Variants in LMNTD1 observed in about 807,000 individuals in gnomAD.
LMNTD1 encodes lamin tail domain containing 1, also known as lamin tail domain-containing protein 1.
Under a neutral mutation model 50.9 loss-of-function variants are expected in LMNTD1, and 35 were observed. The observed-to-expected ratio is 0.69, with a 90% CI of 0.53 to 0.91. The LOEUF (loss-of-function observed/expected upper bound fraction) is 0.91, where lower values mean the gene tolerates loss of function less well. Ranked by LOEUF, LMNTD1 falls within the 40% of genes least tolerant of loss-of-function variation. The pLI is 0.00. For missense variants in LMNTD1, 470 were observed against 475.5 expected (o/e 0.99, Z 0.11); for synonymous variants, 153 against 161.9 (o/e 0.94, Z 0.42).
intron 6 of LMNTD1, among the ~76,000 whole-genome samples, chr12:25,525,811 G>A (rs528409213): frequency 2.6e-4 from 39 of 151,946 alleles, no homozygotes; most frequent in Non-Finnish European, 4.7e-4. Flanking sequence ...TGGTATATAC[G>A]TACCATGGAA....
At chr12:25,507,886 T>A (rs1188512932) in intron 8 of LMNTD1, among the ~76,000 whole-genome samples, 1 of 152,232 alleles carries the variant, frequency 6.6e-6, no homozygotes, top group Admixed American at 6.5e-5. Flanking sequence ...TGACAAACTA[T>A]ATTAAAATTA....
intron 8 of LMNTD1, among the ~76,000 whole-genome samples, chr12:25,514,130 A>G (rs1940549019): frequency 6.6e-6 from 1 of 152,214 alleles, no homozygotes; most frequent in African/African-American, 2.4e-5. Flanking sequence ...AGAAGAGAGC[A>G]AAAGAATGAT....
rs562983576 is a variant in LMNTD1 at position 25,600,111 on chromosome 12, T to C, written c.58+48383A>G. 1.0e-3 allele frequency among the ~76,000 whole-genome samples: 155 copies of C among 152,050 alleles called. 1 individual carries two copies. Among genetic ancestry groups the C allele is most frequent in the African/African-American group, 3.6e-3 (151 of 41,484 alleles). On this transcript the variant is annotated intron_variant, in intron 1 of 7. Coordinates refer to the LMNTD1 transcript ENST00000445693. ...GCATAAAAACAGACACATAGATGAA[T>C]GAAATAGGATAGAGAGCTGAAAAAC...
intron 4 of LMNTD1, among the ~76,000 whole-genome samples, chr12:25,545,512 G>A (rs1331009781): frequency 6.6e-6 from 1 of 151,478 alleles, no homozygotes. Context: ...TTGTTTTCTG[G>A]GGTGGCTGGA....
At chr12:25,488,312 C>A (rs1230926346) in intron 9 of LMNTD1, among the ~76,000 whole-genome samples, 8 of 120,316 alleles carry the variant, frequency 6.6e-5, no homozygotes, top group African/African-American at 2.4e-4. Flanking sequence ...TCCCATATTT[C>A]TTGGAGGCTT....
intron 1 of LMNTD1, among the ~76,000 whole-genome samples, chr12:25,584,511 T>C (rs1945441737): frequency 6.6e-6 from 1 of 152,208 alleles, no homozygotes; most frequent in African/African-American, 2.4e-5. Context: ...CTGAGGACAT[T>C]TTATAGACCT....
chr12:25,485,259 T>C (rs916776560), intron 9 of LMNTD1, among the ~76,000 whole-genome samples: 4 of 147,742 alleles, frequency 2.7e-5, no homozygotes, highest in African/African-American at 1.0e-4. Context: ...TGGCCAGTGA[T>C]GGTGAGCATT....
chr12:25,631,114 A>G (rs1592122279), intron 1 of LMNTD1, among the ~76,000 whole-genome samples: 1 of 151,848 alleles, frequency 6.6e-6, no homozygotes, highest in African/African-American at 2.4e-5. Flanking sequence ...TGGCCTGGGG[A>G]CCTCACCCCC....
chr12:25,629,349 G>C (rs1387719361), intron 1 of LMNTD1, among the ~76,000 whole-genome samples: 2 of 152,126 alleles, frequency 1.3e-5, no homozygotes, highest in Non-Finnish European at 2.9e-5. Context: ...AAGAGGTCTG[G>C]GGCTTCTGTT....
chr12:25,539,117 T>A (rs1267661480), intron 4 of LMNTD1, among the ~76,000 whole-genome samples: 1 of 147,906 alleles, frequency 6.8e-6, no homozygotes, highest in African/African-American at 2.5e-5. Context: ...TCCCACACAT[T>A]AATAATGGGA....
chr12:25,524,981 T>C (rs1941602227), intron 6 of LMNTD1, among the ~76,000 whole-genome samples: 1 of 152,146 alleles, frequency 6.6e-6, no homozygotes, highest in African/African-American at 2.4e-5. Context: ...AAAGTCCATC[T>C]CAACATAGAT....
chr12:25,576,714 A>G (rs1945034959), intron 1 of LMNTD1, among the ~76,000 whole-genome samples: 1 of 152,126 alleles, frequency 6.6e-6, no homozygotes, highest in Non-Finnish European at 1.5e-5. Flanking sequence ...CCATTTGTCA[A>G]TTTTGGCTTT....
intron 1 of LMNTD1, among the ~76,000 whole-genome samples, chr12:25,578,930 A>T (rs370119871): frequency 9.2e-5 from 14 of 152,336 alleles, no homozygotes; most frequent in African/African-American, 3.4e-4. Flanking sequence ...CAAACCATCT[A>T]ACCAAATTAA....
chr12:25,535,198 TA>T (rs1419781398), intron 4 of LMNTD1, among the ~76,000 whole-genome samples: 1 of 152,122 alleles, frequency 6.6e-6, no homozygotes, highest in African/African-American at 2.4e-5. Flanking sequence ...AACATAATAG[TA>T]GTCATTGCAG....
intron 1 of LMNTD1, among the ~76,000 whole-genome samples, chr12:25,585,554 TC>T (rs1255296299): frequency 6.6e-6 from 1 of 152,088 alleles, no homozygotes; most frequent in Non-Finnish European, 1.5e-5. Context: ...GTAATCCTTT[TC>T]CCCCCAGGTA....
intron 5 of LMNTD1, among the ~76,000 whole-genome samples, 160 bp downstream of exon 5, chr12:25,526,609 G>A (rs1941731582): frequency 6.6e-6 from 1 of 152,130 alleles, no homozygotes; most frequent in Non-Finnish European, 1.5e-5. Context: ...ACATCCAGAA[G>A]ATGGACAAAG....
In LMNTD1 at chr12:25,617,118, G is replaced by A. The variant is rs78077370; in HGVS notation, c.58+31376C>T. Among the ~76,000 whole-genome samples the A allele has an allele frequency of 9.1e-3, 1,383 of 152,138 alleles. 25 individuals are homozygous for A. Among genetic ancestry groups the A allele is most frequent in the East Asian group, 0.064 (329 of 5,170 alleles). ...AAATAACTTTCTCAATAACTTACAC[G>A]TCTAGTAAGACTCAGAAGCTCTGAG... On this transcript the variant is annotated intron_variant, in intron 1 of 7. Transcript: ENST00000445693.
intron 1 of LMNTD1, among the ~76,000 whole-genome samples, chr12:25,624,976 T>C (rs1946556572): frequency 6.6e-6 from 1 of 152,158 alleles, no homozygotes; most frequent in South Asian, 2.1e-4. Context: ...AAGTGAATAA[T>C]AGCATTACAA....
chr12:25,576,275 CACAATGGTTGA>C (rs1945015637), intron 1 of LMNTD1, among the ~76,000 whole-genome samples: 1 of 152,198 alleles, frequency 6.6e-6, no homozygotes. Context: ...CACTGACGTC[CACAATGGTTGA>C]ACTAGTTTAC....
Sources: allele counts gnomAD v4.1 joint callset (sites outside exome capture counted in the v4.1 genomes callset), GRCh38; gene constraint gnomAD v4.1.1; transcripts MANE v1.5; gene names NCBI Gene and HGNC (gene_info 2026-07-23, HGNC 2026-07-21).